The following RASAL2 variants were observed in gnomAD, a reference collection of about 807,000 sequenced individuals.
RASAL2 encodes RAS protein activator like 2.
Under a neutral mutation model 128.9 loss-of-function variants are expected in RASAL2, and 58 were observed. The observed-to-expected ratio is 0.45, with a 90% CI of 0.36 to 0.56. The LOEUF (loss-of-function observed/expected upper bound fraction) is 0.56. Among genes scored for constraint, RASAL2 ranks in the 20% least tolerant of loss-of-function variants. The probability of loss-of-function intolerance (pLI) is 0.00; values close to 1 mark genes in which losing one functional copy is unlikely to be tolerated. For missense variants in RASAL2, 1,360 were observed against 1,601.6 expected (o/e 0.85, Z 2.57); for synonymous variants, 561 against 580.8 (o/e 0.97, Z 0.49).
At chr1:178,365,698 C>T (rs1671362822) in intron 3 of RASAL2, among the ~76,000 whole-genome samples, 1 of 152,114 alleles carries the variant, frequency 6.6e-6, no homozygotes, top group South Asian at 2.1e-4. Context: ...GTCTCGATCT[C>T]CTGACCTCAG....
At chr1:178,241,111 G>T (rs1301629449) in intron 1 of RASAL2, among the ~76,000 whole-genome samples, 1 of 151,936 alleles carries the variant, frequency 6.6e-6, no homozygotes, top group Non-Finnish European at 1.5e-5. Context: ...ATGAATTTAT[G>T]AATACACTTG....
intron 1 of RASAL2, among the ~76,000 whole-genome samples, chr1:178,232,214 A>T (rs1476496372): frequency 6.6e-6 from 1 of 152,162 alleles, no homozygotes. Flanking sequence ...TCAGGGGTTT[A>T]TGAGCAGGCA....
At chr1:178,339,264 C>A (rs1485546923) in intron 3 of RASAL2, among the ~76,000 whole-genome samples, 1 of 152,088 alleles carries the variant, frequency 6.6e-6, no homozygotes, top group African/African-American at 2.4e-5. Context: ...ACAGTTAGGA[C>A]CTATTTCTAA....
intron 1 of RASAL2, among the ~76,000 whole-genome samples, chr1:178,251,155 C>T (rs528694507): frequency 3.3e-5 from 5 of 152,152 alleles, no homozygotes; most frequent in South Asian, 2.1e-4. Context: ...TTAACCTTTT[C>T]GTGTCTAAAT....
In RASAL2 at chr1:178,475,258, G is replaced by C. The variant is rs960345659; in HGVS notation, c.*2019G>C. On this transcript the variant is annotated 3_prime_UTR_variant, in exon 18 of 18. Coordinates refer to ENST00000367649, the MANE Select transcript of RASAL2 (RefSeq NM_170692.4). The stretch of plus-strand genomic sequence containing the variant: ...TGATCTGCACACTTTATATCCAGCT[G>C]TTTTGGCACTTTTACGTTTTCTTCA... The C allele has an allele frequency of 6.6e-6, 1 of 152,198 alleles. No homozygotes were observed. The highest frequency in any genetic ancestry group is 1.5e-5 in the Non-Finnish European group (1 of 68,042). 9.4% of individuals were successfully genotyped at this position (152,198 alleles called of 1,614,324 possible). A position where few individuals can be genotyped will look rare whatever the true frequency, so the allele number is the denominator to read the frequency against.
chr1:178,362,558 A>T (rs1272494526), intron 3 of RASAL2, among the ~76,000 whole-genome samples: 1 of 150,200 alleles, frequency 6.7e-6, no homozygotes. Flanking sequence ...ATTATTAACC[A>T]TAGTCCTCAT....
chr1:178,253,830 C>T (rs978402767), intron 1 of RASAL2, among the ~76,000 whole-genome samples: 2 of 152,096 alleles, frequency 1.3e-5, no homozygotes, highest in Non-Finnish European at 2.9e-5. Context: ...CAGGAACAGG[C>T]CATTTTCACT....
intron 1 of RASAL2, among the ~76,000 whole-genome samples, chr1:178,238,434 G>A (rs1319845678): frequency 6.6e-6 from 1 of 152,058 alleles, no homozygotes; most frequent in African/African-American, 2.4e-5. Context: ...ATTTACCCTT[G>A]TATTTTGCAA....
chr1:178,148,951 C>T (rs776408349), intron 1 of RASAL2, among the ~76,000 whole-genome samples: 1 of 152,264 alleles, frequency 6.6e-6, no homozygotes, highest in South Asian at 2.1e-4. Flanking sequence ...GGAAAACAAA[C>T]GACTATGACA....
intron 3 of RASAL2, among the ~76,000 whole-genome samples, chr1:178,355,165 A>G (rs1025089398): frequency 3.3e-5 from 5 of 152,176 alleles, no homozygotes; most frequent in South Asian, 4.1e-4. Context: ...ATATATTTGT[A>G]TATATTAGGA....
At chr1:178,458,701 T>A (rs1164064217) in intron 14 of RASAL2, among the ~76,000 whole-genome samples, 157 bp downstream of exon 14, 4 of 152,178 alleles carry the variant, frequency 2.6e-5, no homozygotes, top group Non-Finnish European at 5.9e-5. Flanking sequence ...GGGAGGCTTC[T>A]GCCCAGGTGT....
intron 1 of RASAL2, among the ~76,000 whole-genome samples, chr1:178,227,195 TA>T (rs952948812): frequency 8.8e-4 from 127 of 143,878 alleles, no homozygotes; most frequent in Middle Eastern, 7.1e-3. Flanking sequence ...ACTTCCAGTT[TA>T]AAAAAAAAAA....
Position 178,264,021 on chromosome 1 carries a change from A to G in RASAL2, c.203-19543A>G, listed in dbSNP as rs1369741103. Reference sequence around the variant, plus strand: ...TACTCTTACTTTTCTTATGGGAGAAATAAAAATTTTAGAGAGTTATGCAGA... The same window carrying G: ...TACTCTTACTTTTCTTATGGGAGAAGTAAAAATTTTAGAGAGTTATGCAGA... On this transcript the variant is annotated intron_variant, in intron 1 of 17. Transcript: ENST00000367649. Among the ~76,000 whole-genome samples the G allele has an allele frequency of 2.0e-5, 3 of 152,202 alleles. No homozygotes were observed. In the East Asian group the frequency reaches 5.8e-4, roughly 29 times the overall value.
At chr1:178,285,090 G>T (rs570963476) in intron 2 of RASAL2, among the ~76,000 whole-genome samples, 1 of 146,262 alleles carries the variant, frequency 6.8e-6, no homozygotes, top group Admixed American at 6.8e-5. Context: ...ATTTTAATAG[G>T]CATTGCTACT....
intron 1 of RASAL2, among the ~76,000 whole-genome samples, chr1:178,100,132 A>C (rs1658837402): frequency 6.6e-6 from 1 of 152,152 alleles, no homozygotes; most frequent in Non-Finnish European, 1.5e-5. Flanking sequence ...TTCAGACATA[A>C]ATAATACAAA....
At chr1:178,373,981 T>A (rs559239187) in intron 3 of RASAL2, among the ~76,000 whole-genome samples, 1 of 152,260 alleles carries the variant, frequency 6.6e-6, no homozygotes, top group African/African-American at 2.4e-5. Context: ...AACAGGTAAG[T>A]TAGAGTCCTG....
At chr1:178,432,610 A>G (rs1264511783) in intron 5 of RASAL2, among the ~76,000 whole-genome samples, 1 of 151,918 alleles carries the variant, frequency 6.6e-6, no homozygotes, top group African/African-American at 2.4e-5. Flanking sequence ...TCTCACCTCA[A>G]CCAGCATTGC....
At position 178,140,336 on chromosome 1, in the gene RASAL2, C is replaced by T. The variant is rs568900046; in HGVS notation, c.202+45642C>T. 7.4e-4 allele frequency among the ~76,000 whole-genome samples: 113 copies of T among 152,208 alleles called. 1 individual carries two copies. The highest frequency in any genetic ancestry group is 5.6e-3 in the South Asian group (27 of 4,828). On this transcript the variant is annotated intron_variant, in intron 1 of 17. Transcript: ENST00000367649. ...TGCAGTTGATGAACCAATATTGATG[C>T]GTTATCAGTTTACATTAGGTTTCTG...
At chr1:178,340,885 AAAT>A (rs1669835145) in intron 3 of RASAL2, among the ~76,000 whole-genome samples, 1 of 152,156 alleles carries the variant, frequency 6.6e-6, no homozygotes, top group Admixed American at 6.5e-5. Flanking sequence ...ATAAAGTATT[AAAT>A]ATTTTTTAAA....
Sources: gnomAD v4.1 joint callset for allele counts (sites outside exome capture counted in the v4.1 genomes callset) on GRCh38, gnomAD v4.1.1 for gene constraint, MANE v1.5 for transcripts, NCBI Gene and HGNC (gene_info 2026-07-23, HGNC 2026-07-21) for gene names.